Variants in FRYL observed in about 807,000 individuals in gnomAD.
The protein encoded by FRYL is protein furry homolog-like.
A neutral mutation model predicts 351.2 loss-of-function variants in FRYL; 150 were observed. The observed-to-expected ratio is 0.43, with a 90% CI of 0.37 to 0.49. The LOEUF (loss-of-function observed/expected upper bound fraction) is 0.49. Ranked by LOEUF, FRYL falls within the 20% of genes least tolerant of loss-of-function variation. The pLI is 0.00. For synonymous variants in FRYL, 1,153 were observed against 1,257.1 expected (o/e 0.92, Z 1.75); for missense variants, 3,036 against 3,619.3 (o/e 0.84, Z 4.13).
chr4:48,527,933 T>TCTTTAAGAC (rs767333863), intron 52 of FRYL, 38 bp downstream of exon 52: 1 of 1,430,358 alleles, frequency 7.0e-7, no homozygotes, highest in Non-Finnish European at 9.5e-7. Context: ...AATAACATGA[T>TCTTTAAGAC]CTTTAAGACC....
Position 48,752,954 on chromosome 4 carries a change from G to A in FRYL, c.-384+27124C>T, listed in dbSNP as rs569701959. Among the ~76,000 whole-genome samples, 8 of 152,050 alleles carry A rather than the reference G, an allele frequency of 5.3e-5. 1 individual carries two copies. The highest frequency in any genetic ancestry group is 4.1e-4 in the South Asian group (2 of 4,826). On this transcript the variant is annotated intron_variant, in intron 1 of 63. Transcript: ENST00000358350. ...CAGGTGGCGCCTATCGTTGGAGTCC[G>A]TTAATTGCAGCCAAAAACAACTGAA... is the stretch of plus-strand genomic sequence containing the variant.
At chr4:48,583,414 G>C (rs1741359655) in intron 19 of FRYL, among the ~76,000 whole-genome samples, 1 of 152,114 alleles carries the variant, frequency 6.6e-6, no homozygotes, top group Non-Finnish European at 1.5e-5. Context: ...GCCTCCCAAA[G>C]TGCTGGGATT....
chr4:48,557,840 T>G (rs548330138), intron 33 of FRYL, 128 bp from the exon 34 acceptor site: 10 of 1,033,936 alleles, frequency 9.7e-6, no homozygotes, highest in Admixed American at 2.9e-5. Context: ...ATTATGAGTA[T>G]TGTTTTTCCT....
intron 1 of FRYL, among the ~76,000 whole-genome samples, chr4:48,769,953 C>G (rs1578982845): frequency 6.6e-6 from 1 of 152,130 alleles, no homozygotes; most frequent in East Asian, 1.9e-4. Flanking sequence ...GAGGGAGTTT[C>G]TTGGCAGTGG....
intron 1 of FRYL, among the ~76,000 whole-genome samples, chr4:48,714,074 G>A (rs4695398): frequency 0.97 from 148,150 of 152,008 alleles, 72,312 homozygotes; most frequent in East Asian, 1. Context: ...TGAAATCAAC[G>A]AGAACAAAGA....
chr4:48,754,689 TGA>T (rs1773599283), intron 1 of FRYL, among the ~76,000 whole-genome samples: 1 of 131,338 alleles, frequency 7.6e-6, no homozygotes, highest in East Asian at 2.2e-4. Flanking sequence ...TTTTTTTAAA[TGA>T]GAGTCTCACT....
intron 10 of FRYL, 94 bp downstream of exon 10, chr4:48,606,344 A>G (rs2149266390): frequency 1.4e-6 from 1 of 718,686 alleles, no homozygotes; most frequent in South Asian, 2.6e-5. Context: ...AAATGATGCC[A>G]TTAATTTACG....
chr4:48,707,495 G>C (rs939976263), intron 2 of FRYL, among the ~76,000 whole-genome samples: 1 of 152,052 alleles, frequency 6.6e-6, no homozygotes, highest in African/African-American at 2.4e-5. Context: ...ATCTGAGTCT[G>C]AATACAAAGC....
intron 3 of FRYL, among the ~76,000 whole-genome samples, chr4:48,677,161 G>A (rs190983949): frequency 1.3e-5 from 2 of 152,032 alleles, no homozygotes; most frequent in African/African-American, 2.4e-5. Context: ...AACATTTAAA[G>A]AAAGTTAAAA....
chr4:48,514,389 C>T (rs1260228489), intron 56 of FRYL, among the ~76,000 whole-genome samples: 2 of 151,904 alleles, frequency 1.3e-5, no homozygotes, highest in Admixed American at 6.6e-5. Flanking sequence ...TTAAGAGTTT[C>T]GTAACAGCCA....
chr4:48,746,917 C>T (rs1772741354), intron 1 of FRYL, among the ~76,000 whole-genome samples: 1 of 152,156 alleles, frequency 6.6e-6, no homozygotes, highest in Non-Finnish European at 1.5e-5. Flanking sequence ...GCAAGACAAC[C>T]CACGTGAGAA....
chr4:48,633,920 C>G (rs1221703216), intron 4 of FRYL, among the ~76,000 whole-genome samples: 2 of 152,202 alleles, frequency 1.3e-5, no homozygotes, highest in African/African-American at 4.8e-5. Context: ...TCCTCCTCAT[C>G]ATGGGCTCTA....
chr4:48,514,963 C>A (rs555756123), intron 56 of FRYL, 65 bp downstream of exon 56: 2 of 1,385,704 alleles, frequency 1.4e-6, no homozygotes, highest in Non-Finnish European at 2.0e-6. Context: ...CAGAGGGGCA[C>A]TCTTTGGAAG....
In FRYL at chr4:48,565,111, A is replaced by T. The variant is rs1046962259; in HGVS notation, c.3331-68T>A. ...GGTTAAATGTTGGTTGCTTAATGAG[A>T]AGAGGCAAAATACTTATCTAGTCAC... On this transcript the variant is annotated intron_variant, in intron 29 of 63. Coordinates refer to ENST00000358350, the MANE Select transcript of FRYL (RefSeq NM_015030.2). 3.5e-5 allele frequency: 29 copies of T among 830,480 alleles called. No homozygotes were observed. The Admixed American group carries it at 6.6e-4, about 19-fold the overall frequency. The allele number at this position is 830,480 out of a possible 1,614,324, so 51.4% of individuals were successfully genotyped here.
intron 41 of FRYL, 21 bp from the exon 42 acceptor site, chr4:48,546,292 T>C (rs747627970): frequency 1.3e-6 from 2 of 1,561,098 alleles, no homozygotes; most frequent in Non-Finnish European, 1.8e-6. Context: ...AAGATCGTCA[T>C]GAATACCTAA....
chr4:48,764,460 G>A (rs1443831114), intron 1 of FRYL, among the ~76,000 whole-genome samples: 1 of 151,520 alleles, frequency 6.6e-6, no homozygotes, highest in Non-Finnish European at 1.5e-5. Context: ...GAGCCCAGGA[G>A]GTCAAGGCTC....
At chr4:48,586,354 G>A (rs1466735371) in intron 19 of FRYL, among the ~76,000 whole-genome samples, 1 of 151,886 alleles carries the variant, frequency 6.6e-6, no homozygotes, top group African/African-American at 2.4e-5. Context: ...GAAATCCCAG[G>A]AAAGAATACT....
intron 3 of FRYL, among the ~76,000 whole-genome samples, chr4:48,656,355 ATATAT>A (rs1336544430): frequency 3.0e-5 from 4 of 134,810 alleles, no homozygotes; most frequent in African/African-American, 1.1e-4. Context: ...TATATACTAA[ATATAT>A]TATATAATAT....
At chr4:48,627,943 G>A (rs1221947128) in intron 4 of FRYL, among the ~76,000 whole-genome samples, 1 of 152,094 alleles carries the variant, frequency 6.6e-6, no homozygotes, top group Admixed American at 6.5e-5. Context: ...GCTAGTTTTT[G>A]TATTTTTAGT....
Sources: gnomAD v4.1 joint callset for allele counts (sites outside exome capture counted in the v4.1 genomes callset) on GRCh38, gnomAD v4.1.1 for gene constraint, MANE v1.5 for transcripts, NCBI Gene and HGNC (gene_info 2026-07-23, HGNC 2026-07-21) for gene names.